ZNF562: variants seen among roughly 807,000 people sequenced by gnomAD.
ZNF562 encodes zinc finger protein 562.
A neutral mutation model predicts 17.5 loss-of-function variants in ZNF562; 13 were observed. That is an observed-to-expected ratio of 0.74 (90% confidence interval 0.48 to 1.18). The LOEUF (loss-of-function observed/expected upper bound fraction) is 1.18. Among genes scored for constraint, ZNF562 ranks in the 50% most tolerant of loss-of-function variants. The probability of loss-of-function intolerance (pLI) is 0.00; values close to 1 mark genes in which losing one functional copy is unlikely to be tolerated. For synonymous variants in ZNF562, 163 were observed against 165.4 expected (o/e 0.99, Z 0.11); for missense variants, 481 against 498.5 (o/e 0.96, Z 0.33).
At chr19:9,663,120 A>G (rs2043817561) in intron 1 of ZNF562, among the ~76,000 whole-genome samples, 1 of 151,362 alleles carries the variant, frequency 6.6e-6, no homozygotes, top group South Asian at 2.1e-4. Flanking sequence ...AAACAGCCAG[A>G]ACTGGATGGG....
rs1038655579 is a variant in ZNF562 at position 9,657,256 on chromosome 19, G to A, written c.242-603C>T. 3.3e-5 allele frequency among the ~76,000 whole-genome samples: 5 copies of A among 150,984 alleles called. No homozygotes were observed. The East Asian group carries it at 8.0e-4, about 24-fold the overall frequency. On this transcript the variant is annotated intron_variant, in intron 4 of 5. Coordinates refer to ENST00000453372, the MANE Select transcript of ZNF562 (RefSeq NM_001130031.2). ...CAGGATAAAGAGCATATATCAAAATGATAAACTTAACAAAAAAACAGAACA... is the reference window on the plus strand; with the variant it reads ...CAGGATAAAGAGCATATATCAAAATAATAAACTTAACAAAAAAACAGAACA...
intron 5 of ZNF562, among the ~76,000 whole-genome samples, chr19:9,655,155 T>A (rs2043417304): frequency 1.3e-5 from 2 of 152,064 alleles, no homozygotes; most frequent in Middle Eastern, 6.8e-3. Context: ...CGTGCCCGGC[T>A]AATTTTTTAT....
In ZNF562 at chr19:9,660,765, A is replaced by T. The variant is rs1169780641; in HGVS notation, c.-21T>A. The T allele has an allele frequency of 6.2e-7, 1 of 1,613,198 alleles. No individual in the cohort carries two copies. The highest frequency in any genetic ancestry group is 8.5e-7 in the Non-Finnish European group (1 of 1,179,484). On this transcript the variant is annotated 5_prime_UTR_variant, in exon 2 of 6. Coordinates refer to ENST00000453372, the MANE Select transcript of ZNF562 (RefSeq NM_001130031.2). ...GACATCCTCTGAAGCTGATGGTGAG[A>T]TGTGCCTCAATGCTGTCTTTCTTGA...
In ZNF562 at chr19:9,656,655, TA is replaced by T; in HGVS notation, c.242-3del. 1 of 1,612,830 alleles carries T rather than the reference TA, an allele frequency of 6.2e-7. No individual in the cohort carries two copies. The highest frequency in any genetic ancestry group is 8.5e-7 in the Non-Finnish European group (1 of 1,178,976). On this transcript the variant is annotated splice_polypyrimidine_tract_variant and splice_region_variant and intron_variant, in intron 4 of 5. Coordinates refer to ENST00000453372, the MANE Select transcript of ZNF562 (RefSeq NM_001130031.2). ...CTGAAGTTAAGCAGAAAAAGAAATC[TA>T]AGGGTTTAGAGAAGAAATGTGTTAG...
chr19:9,664,048 C>A (rs750150226), intron 1 of ZNF562, among the ~76,000 whole-genome samples: 1 of 152,062 alleles, frequency 6.6e-6, no homozygotes, highest in Non-Finnish European at 1.5e-5. Context: ...AGCCACCACA[C>A]CTGGTCTGTG....
chr19:9,663,805 TA>T (rs1889272877), intron 1 of ZNF562, among the ~76,000 whole-genome samples: 1 of 152,074 alleles, frequency 6.6e-6, no homozygotes, highest in African/African-American at 2.4e-5. Flanking sequence ...GCCTCTCAAG[TA>T]GCTGGGACTA....
intron 1 of ZNF562, among the ~76,000 whole-genome samples, chr19:9,670,684 C>T (rs752362421): frequency 2.1e-4 from 32 of 152,030 alleles, no homozygotes; most frequent in East Asian, 3.9e-4. Flanking sequence ...AGGAAGGAGA[C>T]GGAGATAAAG....
In ZNF562 at chr19:9,648,356, G is replaced by A. The variant is rs1390622976; in HGVS notation, c.*4593C>T. On this transcript the variant is annotated 3_prime_UTR_variant, in exon 6 of 6. Transcript: ENST00000453372. ...CGCACCCTGTCACCCAGCATGGAGT[G>A]CAGTGGTGCAATCTTGGCTCAATGC... The A allele has an allele frequency of 1.3e-5, 2 of 152,168 alleles. No homozygotes were observed. The highest frequency in any genetic ancestry group is 3.8e-4 in the East Asian group (2 of 5,196). The allele number at this position is 152,168 out of a possible 1,614,324, so 9.4% of individuals were successfully genotyped here.
intron 1 of ZNF562, among the ~76,000 whole-genome samples, chr19:9,661,304 C>G (rs1255659628): frequency 6.6e-6 from 1 of 151,972 alleles, no homozygotes; most frequent in African/African-American, 2.4e-5. Context: ...TGTGCATCGT[C>G]AAGCCTTATT....
chr19:9,656,520 AAAAT>A (rs1367063827), intron 5 of ZNF562, 23 bp downstream of exon 5: 2 of 1,610,250 alleles, frequency 1.2e-6, no homozygotes, highest in Non-Finnish European at 1.7e-6. Context: ...ACAGAAGAAA[AAAAT>A]AAGTATCCCT....
At chr19:9,670,030 C>A (rs1191941591) in intron 1 of ZNF562, among the ~76,000 whole-genome samples, 2 of 152,008 alleles carry the variant, frequency 1.3e-5, no homozygotes, top group Admixed American at 1.3e-4. Context: ...CCACTGCACC[C>A]CAGCCTGAGT....
chr19:9,648,495 G>A lies in ZNF562; in HGVS notation c.*4454C>T, dbSNP rs1264152116. The A allele has an allele frequency of 2.0e-5, 3 of 151,946 alleles. No individual in the cohort carries two copies. Among genetic ancestry groups the A allele is most frequent in the Admixed American group, 6.6e-5 (1 of 15,252 alleles). 9.4% of individuals were successfully genotyped at this position (151,946 alleles called of 1,614,324 possible). On this transcript the variant is annotated 3_prime_UTR_variant, in exon 6 of 6. Transcript: ENST00000453372. ...TTTTTGTATTGTTAGTAGAGATGGGGTTTCACCATGTTGGCTGGGCTGGTC... is the reference window on the plus strand; with the variant it reads ...TTTTTGTATTGTTAGTAGAGATGGGATTTCACCATGTTGGCTGGGCTGGTC...
intron 1 of ZNF562, among the ~76,000 whole-genome samples, chr19:9,670,867 G>A (rs2044169303): frequency 6.6e-6 from 1 of 151,962 alleles, no homozygotes; most frequent in African/African-American, 2.4e-5. Flanking sequence ...GTGTGGTGGT[G>A]CACCCCTTAA....
chr19:9,667,316 T>A (rs2043988011), intron 1 of ZNF562, among the ~76,000 whole-genome samples: 1 of 152,118 alleles, frequency 6.6e-6, no homozygotes, highest in African/African-American at 2.4e-5. Context: ...AAATTCAATA[T>A]CCCTTTTTGA....
At chr19:9,664,527 T>C (rs1268599016) in intron 1 of ZNF562, among the ~76,000 whole-genome samples, 4 of 152,238 alleles carry the variant, frequency 2.6e-5, no homozygotes, top group Admixed American at 2.0e-4. Flanking sequence ...TAACAGTCAC[T>C]GATTGTTTTC....
Position 9,659,894 on chromosome 19 carries a change from C to CCAG in ZNF562, c.26-430_26-428dup, listed in dbSNP as rs1341373333. Among the ~76,000 whole-genome samples, 3 of 119,554 alleles carry CCAG rather than the reference C, an allele frequency of 2.5e-5. No homozygotes were observed. In the East Asian group the frequency reaches 8.1e-4, roughly 32 times the overall value. 78.4% of individuals were successfully genotyped at this position (119,554 alleles called of 152,430 possible). On this transcript the variant is annotated intron_variant, in intron 2 of 5. Coordinates refer to ENST00000453372, the MANE Select transcript of ZNF562 (RefSeq NM_001130031.2). ...ATCACTCGAGGTCAGGCATTCAAGA[C>CCAG]CAGCCTGGCCAACATGGCAAAACCC...
At position 9,653,371 on chromosome 19, in the gene ZNF562, A is replaced by C; in HGVS notation, c.859T>G (p.Ser287Ala). ...CTTCCACATTCTTTACATTCAAAGG[A>C]CTTCTCTCCTTTATGAGTTTTTGCA... ...AHAKTHKGEKSFECKECGRSF... is the reference protein window; with the variant it reads ...AHAKTHKGEKAFECKECGRSF... The change falls in exon 6 of 6, where the codon TCC becomes GCC. Residue 287 changes from serine (S) to alanine (A), a missense_variant. Around this residue, in one of 2 missense-constraint regions of ZNF562, gnomAD observed 403 missense variants for 386.4 expected, o/e 1.04. Coordinates refer to ENST00000453372, the MANE Select transcript of ZNF562 (RefSeq NM_001130031.2). The C allele has an allele frequency of 6.2e-7, 1 of 1,614,076 alleles. No homozygotes were observed.
At chr19:9,666,601 CAT>C (rs1375286210) in intron 1 of ZNF562, among the ~76,000 whole-genome samples, 5 of 151,728 alleles carry the variant, frequency 3.3e-5, no homozygotes. Flanking sequence ...ATCAATAAAA[CAT>C]AAAGTTGATT....
At chr19:9,654,173 G>A (rs956881961) in intron 5 of ZNF562, among the ~76,000 whole-genome samples, 10 of 151,798 alleles carry the variant, frequency 6.6e-5, no homozygotes, top group African/African-American at 2.4e-4. Context: ...TACTTTTTTT[G>A]TAGACATGGG....
Sources: allele counts gnomAD v4.1 joint callset (sites outside exome capture counted in the v4.1 genomes callset), GRCh38; gene constraint gnomAD v4.1.1; regional missense constraint gnomAD v4.1.1; transcripts MANE v1.5; gene names NCBI Gene and HGNC (gene_info 2026-07-23, HGNC 2026-07-21).